The following AGPS variants were observed in gnomAD, a reference collection of about 807,000 sequenced individuals.
AGPS encodes alkylglycerone phosphate synthase.
A neutral mutation model predicts 90.7 loss-of-function variants in AGPS; 26 were observed. The observed-to-expected ratio is 0.29, with a 90% CI of 0.21 to 0.40. The LOEUF (loss-of-function observed/expected upper bound fraction) is 0.40, where lower values mean the gene tolerates loss of function less well. Among genes scored for constraint, AGPS ranks in the 10% least tolerant of loss-of-function variants. The probability of loss-of-function intolerance (pLI) is 1.00; values close to 1 mark genes in which losing one functional copy is unlikely to be tolerated. For synonymous variants in AGPS, 294 were observed against 285.3 expected (o/e 1.03, Z -0.31); for missense variants, 540 against 816.1 (o/e 0.66, Z 4.12).
chr2:177,422,158 C>G (rs541676470), intron 2 of AGPS, among the ~76,000 whole-genome samples: 2 of 152,238 alleles, frequency 1.3e-5, no homozygotes, highest in East Asian at 3.9e-4. Flanking sequence ...GGGTCTGACA[C>G]ACATGCCACA....
intron 19 of AGPS, among the ~76,000 whole-genome samples, chr2:177,527,657 A>T (rs1387681789): frequency 6.6e-6 from 1 of 152,168 alleles, no homozygotes; most frequent in African/African-American, 2.4e-5. Context: ...TGGCGGTCAT[A>T]TCATGTTACA....
chr2:177,503,014 T>C (rs1372888341), intron 14 of AGPS, among the ~76,000 whole-genome samples: 1 of 151,152 alleles, frequency 6.6e-6, no homozygotes, highest in East Asian at 1.9e-4. Flanking sequence ...CATCTATCCC[T>C]TTTTTTTTAT....
intron 19 of AGPS, among the ~76,000 whole-genome samples, chr2:177,530,883 C>T (rs2079131466): frequency 1.3e-5 from 2 of 152,148 alleles, no homozygotes; most frequent in African/African-American, 2.4e-5. Flanking sequence ...AAGTTTATGT[C>T]AGCCATGTAT....
intron 19 of AGPS, 42 bp downstream of exon 19, chr2:177,523,847 A>T (rs1167530058): frequency 1.3e-6 from 2 of 1,506,924 alleles, no homozygotes; most frequent in Non-Finnish European, 1.8e-6. Flanking sequence ...TTCTTACTTT[A>T]AAAAATATTC....
chr2:177,464,600 T>C (rs1687394462), intron 9 of AGPS, among the ~76,000 whole-genome samples: 1 of 152,276 alleles, frequency 6.6e-6, no homozygotes, highest in South Asian at 2.1e-4. Flanking sequence ...GGTTCCCACT[T>C]GTTTTCAAGA....
Position 177,461,895 on chromosome 2 carries a change from TAAAG to T in AGPS, c.878_881del (p.Glu293ValfsTer17). 6.2e-7 allele frequency: 1 copy of T among 1,610,460 alleles called. No individual in the cohort carries two copies. Among genetic ancestry groups the T allele is most frequent in the Non-Finnish European group, 8.5e-7 (1 of 1,177,766 alleles). ...AATGTTAAATTTTTGTTTTTCAGCTTAAAGAAAGTGGTTATTGTACAGGTCATGA... is the reference window on the plus strand; with the variant it reads ...AATGTTAAATTTTTGTTTTTCAGCTTAAAGTGGTTATTGTACAGGTCATGA... On this transcript the variant is annotated frameshift_variant, in exon 9 of 20. Coordinates refer to ENST00000264167, the MANE Select transcript of AGPS (RefSeq NM_003659.4). LOFTEE classifies it high-confidence loss of function.
At position 177,461,920 on chromosome 2, in the gene AGPS, C is replaced by A; in HGVS notation, c.898C>A (p.His300Asn). 3 of 1,612,234 alleles carry A rather than the reference C, an allele frequency of 1.9e-6. No homozygotes were observed. Among genetic ancestry groups the A allele is most frequent in the South Asian group, 2.2e-5 (2 of 91,002 alleles). The change falls in exon 9 of 20, where the codon CAT (histidine) becomes AAT (asparagine). Residue 300 changes from histidine to asparagine, a missense_variant. Transcript: ENST00000264167. ...QLKESGYCTG[H>N]EPDSLEFSTV... ...TAAAGAAAGTGGTTATTGTACAGGT[C>A]ATGAACCAGATTCCCTGGAGTTCAG...
intron 2 of AGPS, among the ~76,000 whole-genome samples, chr2:177,429,325 C>T (rs1201448306): frequency 6.6e-6 from 1 of 152,204 alleles, no homozygotes; most frequent in East Asian, 1.9e-4. Context: ...TCAACCATCT[C>T]AGCCTTAGCC....
intron 11 of AGPS, among the ~76,000 whole-genome samples, 162 bp from the exon 12 acceptor site, chr2:177,492,986 G>A (rs1259550903): frequency 6.6e-6 from 1 of 152,040 alleles, no homozygotes; most frequent in Admixed American, 6.5e-5. Context: ...ATTGATATTT[G>A]TCTTCATAAA....
chr2:177,434,470 A>C, intron 3 of AGPS, 53 bp downstream of exon 3: 1 of 1,303,032 alleles, frequency 7.7e-7, no homozygotes, highest in Non-Finnish European at 1.1e-6. Context: ...TTAAAACCCA[A>C]ATTAATTTGA....
intron 1 of AGPS, among the ~76,000 whole-genome samples, chr2:177,394,251 C>T (rs558493998): frequency 1.3e-5 from 2 of 152,118 alleles, no homozygotes; most frequent in African/African-American, 4.8e-5. Flanking sequence ...TATAATACAG[C>T]GTTATAAGAA....
At chr2:177,435,206 T>A (rs1373870195) in intron 3 of AGPS, among the ~76,000 whole-genome samples, 1 of 151,920 alleles carries the variant, frequency 6.6e-6, no homozygotes, top group Non-Finnish European at 1.5e-5. Context: ...TCTTATACAA[T>A]ATTCTCCACT....
intron 9 of AGPS, among the ~76,000 whole-genome samples, chr2:177,462,354 C>T (rs539171748): frequency 1.4e-4 from 19 of 138,488 alleles, no homozygotes; most frequent in African/African-American, 4.8e-4. Flanking sequence ...AATTGTGCCA[C>T]TGCACTCCAG....
Position 177,436,751 on chromosome 2 carries a change from T to C in AGPS, c.442-13T>C. The C allele has an allele frequency of 6.2e-7, 1 of 1,609,920 alleles. No individual in the cohort carries two copies. Among genetic ancestry groups the C allele is most frequent in the Non-Finnish European group, 8.5e-7 (1 of 1,178,028 alleles). On this transcript the variant is annotated splice_polypyrimidine_tract_variant and intron_variant, in intron 3 of 19. Transcript: ENST00000264167. ...TCTAAAAATAAGTCAAAGAAATCAA[T>C]TTTATTTTCTAGGCATCCTTAAATC...
At position 177,538,513 on chromosome 2, in the gene AGPS, TG is replaced by T; in HGVS notation, c.*322del. ...GCTGTTTTGTATTGTTGCTTCCTCT[TG>T]GGGAACAAAGACAGATTTGGTATCA... On this transcript the variant is annotated 3_prime_UTR_variant, in exon 20 of 20. Coordinates refer to ENST00000264167, the MANE Select transcript of AGPS (RefSeq NM_003659.4). The T allele has an allele frequency of 2.8e-6, 1 of 358,634 alleles. No homozygotes were observed. The highest frequency in any genetic ancestry group is 2.5e-5 in the South Asian group (1 of 39,824). 22.2% of individuals were successfully genotyped at this position (358,634 alleles called of 1,614,324 possible). A position where few individuals can be genotyped will look rare whatever the true frequency, so the allele number is the denominator to read the frequency against.
At chr2:177,522,127 G>A (rs1689212693) in intron 18 of AGPS, among the ~76,000 whole-genome samples, 2 of 151,936 alleles carry the variant, frequency 1.3e-5, no homozygotes, top group African/African-American at 4.8e-5. Context: ...ACAGTAAGCT[G>A]TATATATTTA....
intron 8 of AGPS, among the ~76,000 whole-genome samples, chr2:177,448,581 T>G (rs1686843974): frequency 6.6e-6 from 1 of 152,210 alleles, no homozygotes. Flanking sequence ...AGCCGCCTTC[T>G]TCTCTTCAGG....
chr2:177,503,295 C>T (rs1039326517), intron 14 of AGPS, among the ~76,000 whole-genome samples: 3 of 152,164 alleles, frequency 2.0e-5, no homozygotes, highest in Non-Finnish European at 4.4e-5. Flanking sequence ...ATAAACATTA[C>T]CTGTCAGCAC....
rs1292025568 is a variant in AGPS, at chr2:177,541,045, C to T, written c.*2850C>T. On this transcript the variant is annotated 3_prime_UTR_variant, in exon 20 of 20. Transcript: ENST00000264167. Reference sequence around the variant, plus strand: ...AGAAAAGAGGATTATATTATTTCTTCTAAGGAAGTAGGAGTTTTCTTCCTA... The same window carrying T: ...AGAAAAGAGGATTATATTATTTCTTTTAAGGAAGTAGGAGTTTTCTTCCTA... 1 of 152,188 alleles carries T rather than the reference C, an allele frequency of 6.6e-6. No individual in the cohort carries two copies. The highest frequency in any genetic ancestry group is 1.9e-4 in the East Asian group (1 of 5,186). The allele number at this position is 152,188 out of a possible 1,614,324, so 9.4% of individuals were successfully genotyped here. A position where few individuals can be genotyped will look rare whatever the true frequency, so the allele number is the denominator to read the frequency against.
Sources: allele counts gnomAD v4.1 joint callset (sites outside exome capture counted in the v4.1 genomes callset), GRCh38; gene constraint gnomAD v4.1.1; transcripts MANE v1.5; gene names NCBI Gene and HGNC (gene_info 2026-07-23, HGNC 2026-07-21).